Variants in OSBPL1A observed in about 807,000 individuals in gnomAD.
OSBPL1A encodes the protein oxysterol binding protein like 1A, also known as oxysterol-binding protein-related protein 1.
OSBPL1A carries 80 observed loss-of-function variants against 137.1 expected under a neutral mutation model. The ratio of observed to expected loss-of-function variants is 0.58; its 90% confidence interval spans 0.49 to 0.70. The LOEUF (loss-of-function observed/expected upper bound fraction) is 0.70, where lower values mean the gene tolerates loss of function less well. Ranked by LOEUF, OSBPL1A falls within the 30% of genes least tolerant of loss-of-function variation. The pLI is 0.00. For missense variants in OSBPL1A, 970 were observed against 1,129.4 expected (o/e 0.86, Z 2.02); for synonymous variants, 365 against 389.7 (o/e 0.94, Z 0.75).
At chr18:24,218,745 C>T (rs1019703804) in intron 17 of OSBPL1A, among the ~76,000 whole-genome samples, 4 of 152,004 alleles carry the variant, frequency 2.6e-5, no homozygotes, top group Admixed American at 6.6e-5. Flanking sequence ...TGCGCCTGGC[C>T]CAACATGGTG....
chr18:24,181,410 G>C (rs2086602386), intron 18 of OSBPL1A, 131 bp from the exon 19 acceptor site: 1 of 1,007,164 alleles, frequency 9.9e-7, no homozygotes, highest in Admixed American at 2.8e-5. Context: ...CATCAATATT[G>C]GTTCAATTTC....
intron 1 of OSBPL1A, among the ~76,000 whole-genome samples, chr18:24,379,095 A>T (rs547096223): frequency 1.1e-3 from 160 of 150,172 alleles, no homozygotes; most frequent in African/African-American, 3.8e-3. Flanking sequence ...AGATGCTATT[A>T]AAAAAAAATA....
rs1434442252 is a variant in OSBPL1A, at chr18:24,181,224, T to C, written c.1733A>G (p.Gln578Arg). ...ATGCTCCATGTATTCAGTTAGGCGC[T>C]GTAGGAAGCTCAGAGGCTCATTAAA... The part of the protein sequence containing the change: ...VIFNEPLSFL[Q>R]RLTEYMEHTY... Residue 578 changes from glutamine to arginine, a missense_variant, in exon 19 of 28, where the codon CAG becomes CGG. Gln to Arg is a conservative substitution (Grantham distance 43). This residue lies in a region of OSBPL1A where 323 missense variants were observed against 456.8 expected (regional missense o/e 0.71). Transcript: ENST00000319481. 1 of 1,614,152 alleles carries C rather than the reference T, an allele frequency of 6.2e-7. No homozygotes were observed.
At chr18:24,347,030 G>T (rs1189154766) in intron 4 of OSBPL1A, among the ~76,000 whole-genome samples, 1 of 151,820 alleles carries the variant, frequency 6.6e-6, no homozygotes. Flanking sequence ...GATTACAGAT[G>T]TGAGCCACCA....
chr18:24,340,532 C>T (rs1178504161), intron 5 of OSBPL1A, among the ~76,000 whole-genome samples: 1 of 151,972 alleles, frequency 6.6e-6, no homozygotes, highest in Admixed American at 6.6e-5. Context: ...GAGCCAGGCA[C>T]GGTGGCTCAG....
chr18:24,368,274 G>A lies in OSBPL1A; in HGVS notation c.207+13C>T. The A allele has an allele frequency of 1.3e-6, 2 of 1,587,818 alleles. No homozygotes were observed. Among genetic ancestry groups the A allele is most frequent in the Non-Finnish European group, 1.7e-6 (2 of 1,159,852 alleles). On this transcript the variant is annotated intron_variant, in intron 3 of 27. Transcript: ENST00000319481. Reference sequence around the variant, plus strand: ...TTTACTGTAGTCATTAAAAATTAAAGTCATAAATAGACCTTCAACAGATCC... The same window carrying A: ...TTTACTGTAGTCATTAAAAATTAAAATCATAAATAGACCTTCAACAGATCC...
intron 14 of OSBPL1A, among the ~76,000 whole-genome samples, chr18:24,290,951 A>G (rs2090164913): frequency 6.6e-6 from 1 of 152,170 alleles, no homozygotes. Flanking sequence ...GCATGCCTAG[A>G]TATGAAATCC....
chr18:24,178,322 C>A, intron 20 of OSBPL1A, 127 bp from the exon 21 acceptor site: 2 of 984,930 alleles, frequency 2.0e-6, no homozygotes, highest in Non-Finnish European at 2.9e-6. Context: ...GAGACAAAAT[C>A]TTGCTCTGTC....
chr18:24,372,994 G>T (rs998724704), intron 2 of OSBPL1A, among the ~76,000 whole-genome samples: 1 of 152,122 alleles, frequency 6.6e-6, no homozygotes, highest in African/African-American at 2.4e-5. Context: ...AACCCAAGAG[G>T]AGGTGGAGGT....
intron 23 of OSBPL1A, 60 bp from the exon 24 acceptor site, chr18:24,170,513 G>A: frequency 6.2e-7 from 1 of 1,601,810 alleles, no homozygotes; most frequent in Non-Finnish European, 8.5e-7. Flanking sequence ...AAAGCCGACA[G>A]CACCTGGTAT....
chr18:24,208,066 A>G (rs1459513388), intron 17 of OSBPL1A, among the ~76,000 whole-genome samples: 1 of 152,188 alleles, frequency 6.6e-6, no homozygotes, highest in East Asian at 1.9e-4. Flanking sequence ...ATTTAAATAT[A>G]ATTTAATGAC....
chr18:24,245,770 A>G (rs1599555814), intron 15 of OSBPL1A, among the ~76,000 whole-genome samples: 1 of 152,220 alleles, frequency 6.6e-6, no homozygotes, highest in Admixed American at 6.5e-5. Flanking sequence ...CTTTGCTCAC[A>G]TTCAATTTCA....
At chr18:24,380,359 T>C (rs1442649764) in intron 1 of OSBPL1A, among the ~76,000 whole-genome samples, 1 of 152,224 alleles carries the variant, frequency 6.6e-6, no homozygotes, top group Non-Finnish European at 1.5e-5. Context: ...TATCTAGCTG[T>C]GGGCCTGGCC....
At chr18:24,335,640 G>T (rs555403757) in intron 5 of OSBPL1A, among the ~76,000 whole-genome samples, 1 of 152,312 alleles carries the variant, frequency 6.6e-6, no homozygotes, top group South Asian at 2.1e-4. Flanking sequence ...CTGCAAAGGA[G>T]GAACTATGAA....
At chr18:24,356,640 A>G (rs1168141567) in intron 4 of OSBPL1A, among the ~76,000 whole-genome samples, 1 of 152,148 alleles carries the variant, frequency 6.6e-6, no homozygotes, top group Non-Finnish European at 1.5e-5. Context: ...CAACCCTCAC[A>G]TTGCCATCTT....
intron 20 of OSBPL1A, 137 bp from the exon 21 acceptor site, chr18:24,178,332 C>T (rs954154674): frequency 9.9e-6 from 9 of 909,906 alleles, no homozygotes; most frequent in Non-Finnish European, 1.4e-5. Flanking sequence ...CTTGCTCTGT[C>T]GCTCAGGCTG....
rs1008761877 is a variant in OSBPL1A at position 24,285,229 on chromosome 18, A to C, written c.1175-4281T>G. On this transcript the variant is annotated intron_variant, in intron 14 of 27. Transcript: ENST00000319481. Reference sequence around the variant, plus strand: ...CCTCCTTACCCCCATCCAAACACCAAGCTTTGCCAAAATAAAACCTCTCAA... The same window carrying C: ...CCTCCTTACCCCCATCCAAACACCACGCTTTGCCAAAATAAAACCTCTCAA... 5.9e-5 allele frequency among the ~76,000 whole-genome samples: 9 copies of C among 152,294 alleles called. 1 individual carries two copies. The highest frequency in any genetic ancestry group is 3.3e-4 in the Admixed American group (5 of 15,296).
chr18:24,286,517 TAAA>T (rs1004829799), intron 14 of OSBPL1A, among the ~76,000 whole-genome samples: 1 of 152,156 alleles, frequency 6.6e-6, no homozygotes, highest in African/African-American at 2.4e-5. Context: ...AAATGAATAA[TAAA>T]AAGATAATAT....
At chr18:24,283,282 ATAT>A (rs1449136074) in intron 14 of OSBPL1A, among the ~76,000 whole-genome samples, 1 of 42,288 alleles carries the variant, frequency 2.4e-5, no homozygotes, top group African/African-American at 8.5e-5. Flanking sequence ...AAAAAAAAAA[ATAT>A]ATATATATAT....
Sources: allele counts gnomAD v4.1 joint callset (sites outside exome capture counted in the v4.1 genomes callset), GRCh38; gene constraint gnomAD v4.1.1; regional missense constraint gnomAD v4.1.1; transcripts MANE v1.5; gene names NCBI Gene and HGNC (gene_info 2026-07-23, HGNC 2026-07-21).